LCLAT1: variants seen among roughly 807,000 people sequenced by gnomAD.
LCLAT1 encodes the protein lysocardiolipin acyltransferase 1, also known as 1-AGP acyltransferase 8.
LCLAT1 carries 11 observed loss-of-function variants against 30.7 expected under a neutral mutation model. That is an observed-to-expected ratio of 0.36 (90% CI 0.23 to 0.59). The LOEUF (loss-of-function observed/expected upper bound fraction) is 0.59, where lower values mean the gene tolerates loss of function less well. Ranked by LOEUF, LCLAT1 falls within the 20% of genes least tolerant of loss-of-function variation. The probability of loss-of-function intolerance (pLI) is 0.77; values close to 1 mark genes in which losing one functional copy is unlikely to be tolerated. For missense variants in LCLAT1, 402 were observed against 458.6 expected (o/e 0.88, Z 1.13); for synonymous variants, 155 against 151.3 (o/e 1.02, Z -0.18).
intron 3 of LCLAT1, among the ~76,000 whole-genome samples, chr2:30,540,751 G>A (rs1664098963): frequency 1.3e-5 from 2 of 150,488 alleles, no homozygotes; most frequent in Non-Finnish European, 2.9e-5. Flanking sequence ...TGCAATGTCC[G>A]CCTCCCGGGT....
At chr2:30,593,062 G>A (rs1051341486) in intron 5 of LCLAT1, among the ~76,000 whole-genome samples, 3 of 151,830 alleles carry the variant, frequency 2.0e-5, no homozygotes, top group Non-Finnish European at 4.4e-5. Context: ...CATCCCTCCC[G>A]ACTTTCCCCT....
chr2:30,586,422 C>G (rs1460330805), intron 5 of LCLAT1, among the ~76,000 whole-genome samples: 1 of 152,172 alleles, frequency 6.6e-6, no homozygotes, highest in African/African-American at 2.4e-5. Context: ...GGCAGCATGA[C>G]TCCAGTCTTT....
intron 5 of LCLAT1, among the ~76,000 whole-genome samples, chr2:30,629,171 A>C (rs1668649645): frequency 6.6e-6 from 1 of 152,254 alleles, no homozygotes; most frequent in Non-Finnish European, 1.5e-5. Context: ...GGTAGAGGGT[A>C]AAGAACTCTT....
chr2:30,638,749 C>A (rs1669153356), intron 5 of LCLAT1, among the ~76,000 whole-genome samples: 2 of 110,416 alleles, frequency 1.8e-5, no homozygotes, highest in South Asian at 4.8e-4. Flanking sequence ...CAAAAACAAA[C>A]CTGGATTGAC....
At chr2:30,495,333 T>G (rs1684056292) in intron 1 of LCLAT1, among the ~76,000 whole-genome samples, 1 of 152,088 alleles carries the variant, frequency 6.6e-6, no homozygotes, top group Non-Finnish European at 1.5e-5. Context: ...GATCATCTAG[T>G]CTATTAATGT....
intron 1 of LCLAT1, among the ~76,000 whole-genome samples, chr2:30,524,306 T>G (rs2148381624): frequency 6.6e-6 from 1 of 152,332 alleles, no homozygotes; most frequent in South Asian, 2.1e-4. Context: ...CTTCAACTCA[T>G]AAAGAGTCAA....
At chr2:30,550,806 A>G (rs1029096836) in intron 3 of LCLAT1, among the ~76,000 whole-genome samples, 3 of 152,092 alleles carry the variant, frequency 2.0e-5, no homozygotes, top group African/African-American at 4.8e-5. Flanking sequence ...AGTGCAGACT[A>G]TTTATATATA....
chr2:30,499,241 G>A (rs1431703423), intron 1 of LCLAT1, among the ~76,000 whole-genome samples: 2 of 152,120 alleles, frequency 1.3e-5, no homozygotes, highest in Non-Finnish European at 2.9e-5. Context: ...GTGAAGTGGT[G>A]CAGTCTCAGC....
chr2:30,604,675 A>AC (rs1667348386), intron 5 of LCLAT1, among the ~76,000 whole-genome samples: 1 of 151,716 alleles, frequency 6.6e-6, no homozygotes, highest in East Asian at 1.9e-4. Flanking sequence ...AAAAAAAAAA[A>AC]AAAAAAAAGT....
At position 30,644,051 on chromosome 2, in the gene LCLAT1, A is replaced by G. The variant is rs1386222738; in HGVS notation, c.*3432A>G. 6.6e-6 allele frequency: 1 copy of G among 152,216 alleles called. No individual in the cohort carries two copies. Among genetic ancestry groups the G allele is most frequent in the African/African-American group, 2.4e-5 (1 of 41,458 alleles). The allele number at this position is 152,216 out of a possible 1,614,324, so 9.4% of individuals were successfully genotyped here. ...TGTACCTGCATTAAATTTTCATTTT[A>G]GAAGAGAATCTTGGTTTTGGTAATT... On this transcript the variant is annotated 3_prime_UTR_variant, in exon 6 of 6. Transcript: ENST00000379509.
intron 1 of LCLAT1, among the ~76,000 whole-genome samples, chr2:30,511,306 C>T (rs147818002): frequency 3.2e-4 from 48 of 152,224 alleles, no homozygotes; most frequent in Non-Finnish European, 4.7e-4. Context: ...TGAGTCACCG[C>T]GCCTGGCCTG....
At chr2:30,554,593 G>T (rs951634258) in intron 3 of LCLAT1, among the ~76,000 whole-genome samples, 1 of 152,064 alleles carries the variant, frequency 6.6e-6, no homozygotes, top group Non-Finnish European at 1.5e-5. Context: ...AATTCATAAG[G>T]TTGTCTTGAG....
In LCLAT1 at chr2:30,641,106, A is replaced by T. The variant is rs1460104543; in HGVS notation, c.*487A>T. The T allele has an allele frequency of 6.5e-6, 1 of 153,208 alleles. No homozygotes were observed. Among genetic ancestry groups the T allele is most frequent in the African/African-American group, 2.4e-5 (1 of 41,390 alleles). The allele number at this position is 153,208 out of a possible 1,614,324, so 9.5% of individuals were successfully genotyped here. A position where few individuals can be genotyped will look rare whatever the true frequency, so the allele number is the denominator to read the frequency against. ...GCGTCCTTCTTCCTGCGCCAAACCC[A>T]TCTCATCCTTAAGATCAGAAAATGG... On this transcript the variant is annotated 3_prime_UTR_variant, in exon 6 of 6. Coordinates refer to ENST00000379509, the MANE Select transcript of LCLAT1 (RefSeq NM_001002257.3).
intron 5 of LCLAT1, among the ~76,000 whole-genome samples, chr2:30,579,260 G>C (rs1666116046): frequency 6.6e-6 from 1 of 152,122 alleles, no homozygotes; most frequent in South Asian, 2.1e-4. Context: ...TTAGGCAAAG[G>C]AGAAACATGT....
At chr2:30,550,744 C>T (rs1362760086) in intron 3 of LCLAT1, among the ~76,000 whole-genome samples, 1 of 152,090 alleles carries the variant, frequency 6.6e-6, no homozygotes. Flanking sequence ...TAAGCACAGC[C>T]CACACTCAAA....
At chr2:30,602,280 A>ATCTT (rs1299083416) in intron 5 of LCLAT1, among the ~76,000 whole-genome samples, 1 of 152,216 alleles carries the variant, frequency 6.6e-6, no homozygotes, top group Admixed American at 6.5e-5. Context: ...TGCACTGTGT[A>ATCTT]TCTTACTAGA....
intron 1 of LCLAT1, among the ~76,000 whole-genome samples, chr2:30,501,801 C>T (rs888155505): frequency 6.6e-6 from 1 of 152,158 alleles, no homozygotes; most frequent in African/African-American, 2.4e-5. Flanking sequence ...CAATGAATCT[C>T]AATAATTCTA....
intron 5 of LCLAT1, among the ~76,000 whole-genome samples, chr2:30,639,286 A>C (rs1463673180): frequency 6.6e-6 from 1 of 152,162 alleles, no homozygotes; most frequent in Non-Finnish European, 1.5e-5. Flanking sequence ...GCCTTTATGC[A>C]TGCCTGCCTC....
rs80274800 is a variant in LCLAT1 at position 30,524,290 on chromosome 2, T to C, written c.-4-1297T>C. ...AGCCAGTGAAGAGTCTAAGTTCTACTTAATCCTTCAACTCATAAAGAGTCA... is the reference window on the plus strand; with the variant it reads ...AGCCAGTGAAGAGTCTAAGTTCTACCTAATCCTTCAACTCATAAAGAGTCA... On this transcript the variant is annotated intron_variant, in intron 1 of 5. Coordinates refer to ENST00000379509, the MANE Select transcript of LCLAT1 (RefSeq NM_001002257.3). Among the ~76,000 whole-genome samples the C allele has an allele frequency of 2.5e-3, 380 of 152,340 alleles. 10 individuals carry two copies. In the East Asian group the frequency reaches 0.047, roughly 19 times the overall value.
Sources: gnomAD v4.1 joint callset for allele counts (sites outside exome capture counted in the v4.1 genomes callset) on GRCh38, gnomAD v4.1.1 for gene constraint, MANE v1.5 for transcripts, NCBI Gene and HGNC (gene_info 2026-07-23, HGNC 2026-07-21) for gene names.